The following RRBP1 variants were observed in gnomAD, a reference collection of about 807,000 sequenced individuals.
The protein encoded by RRBP1 is ribosome-binding protein 1.
Under a neutral mutation model 165.2 loss-of-function variants are expected in RRBP1, and 94 were observed. That is an observed-to-expected ratio of 0.57 (90% CI 0.48 to 0.68). The LOEUF is 0.68. RRBP1 is among the 30% of genes least tolerant of loss of function. RRBP1 has a pLI of 0.00. For synonymous variants in RRBP1, 680 were observed against 714.5 expected (o/e 0.95, Z 0.77); for missense variants, 1,676 against 1,763.0 (o/e 0.95, Z 0.88).
intron 11 of RRBP1, among the ~76,000 whole-genome samples, chr20:17,626,964 G>A (rs1415454112): frequency 6.6e-6 from 1 of 152,164 alleles, no homozygotes; most frequent in Non-Finnish European, 1.5e-5. Context: ...TCTGGGTTGT[G>A]CAACCATTTT....
chr20:17,628,791 C>T lies in RRBP1; in HGVS notation c.2749+1032G>A, dbSNP rs375729946. Among the ~76,000 whole-genome samples, 107 of 152,380 alleles carry T rather than the reference C, an allele frequency of 7.0e-4. 3 individuals carry two copies. The South Asian group carries it at 0.021, about 30-fold the overall frequency. ...ACGCAATCTAAAGCCATGCCCAGCC[C>T]TCTGGAGCAGGGGCCGGGAAGCTGG... On this transcript the variant is annotated intron_variant, in intron 9 of 24. Coordinates refer to ENST00000377813, the MANE Select transcript of RRBP1 (RefSeq NM_001365613.2).
At chr20:17,663,019 A>G (rs189089565) in intron 2 of RRBP1, among the ~76,000 whole-genome samples, 156 of 152,296 alleles carry the variant, frequency 1.0e-3, no homozygotes, top group African/African-American at 3.6e-3. Context: ...CTATTTAAAA[A>G]AAAATAAAAA....
intron 7 of RRBP1, among the ~76,000 whole-genome samples, chr20:17,633,839 C>G (rs1012461820): frequency 2.6e-5 from 4 of 152,226 alleles, no homozygotes; most frequent in African/African-American, 9.6e-5. Flanking sequence ...CAGCATAGAG[C>G]AAATGTGCAC....
In RRBP1 at chr20:17,618,661, C is replaced by G; in HGVS notation, c.3694G>C (p.Glu1232Gln). The change falls in exon 20 of 25, where the codon GAA becomes CAA. Residue 1232 changes from glutamate (E) to glutamine (Q), a missense_variant. Glu to Gln is a conservative substitution (Grantham distance 29). This residue lies in a region of RRBP1 where 1,184 missense variants were observed against 1,167.1 expected (regional missense o/e 1.01). Coordinates refer to ENST00000377813, the MANE Select transcript of RRBP1 (RefSeq NM_001365613.2). ...GCGGCATCGAGCTGAGATTGAGATTCTAGGAGAAGTTGCCTCAGCTTGGGG... is the reference window on the plus strand; with the variant it reads ...GCGGCATCGAGCTGAGATTGAGATTGTAGGAGAAGTTGCCTCAGCTTGGGG... ...EVAGLRQLLL[E>Q]SQSQLDAAKS... 6.2e-7 allele frequency: 1 copy of G among 1,613,928 alleles called. No individual in the cohort carries two copies. The highest frequency in any genetic ancestry group is 1.1e-5 in the South Asian group (1 of 91,084).
chr20:17,647,837 C>T lies in RRBP1; in HGVS notation c.1913-4710G>A, dbSNP rs112620738. Among the ~76,000 whole-genome samples, 608 of 152,306 alleles carry T rather than the reference C, an allele frequency of 4.0e-3. 9 individuals are homozygous for T. The highest frequency in any genetic ancestry group is 0.014 in the African/African-American group (566 of 41,558). On this transcript the variant is annotated intron_variant, in intron 3 of 24. Coordinates refer to ENST00000377813, the MANE Select transcript of RRBP1 (RefSeq NM_001365613.2). ...AATAGCTGCTGCCTCCGGGCCTGCACGGGGTGACTCCAGACAGTGCAGACC... is the reference window on the plus strand; with the variant it reads ...AATAGCTGCTGCCTCCGGGCCTGCATGGGGTGACTCCAGACAGTGCAGACC...
chr20:17,652,044 C>G (rs939346278), intron 3 of RRBP1, among the ~76,000 whole-genome samples: 1 of 152,232 alleles, frequency 6.6e-6, no homozygotes, highest in East Asian at 1.9e-4. Context: ...CTTCAAGTCT[C>G]TGGTGGAGCC....
rs2035792194 is a variant in RRBP1, at chr20:17,615,965, C to T, written c.3912G>A (p.Glu1304=). The T allele has an allele frequency of 1.9e-6, 3 of 1,609,750 alleles. No homozygotes were observed. Among genetic ancestry groups the T allele is most frequent in the Non-Finnish European group, 2.5e-6 (3 of 1,179,946 alleles). ...LEWTEAILED[E]QTQRQKLTAE... ...CCGTGAGCTTCTGCCGCTGTGTCTG[C>T]TCATCCTCCAGGATGGCTTCTGTCC... The change falls in exon 22 of 25, where the codon GAG becomes GAA. Residue 1304 remains glutamate, a synonymous_variant. Transcript: ENST00000377813.
rs990832680 is a variant in RRBP1, at chr20:17,636,699, C to T, written c.2215G>A (p.Ala739Thr). The change falls in exon 6 of 25, where the codon GCC (alanine) becomes ACC (threonine). Residue 739 changes from alanine to threonine, a missense_variant. Physicochemically the swap from Ala to Thr is moderately conservative, Grantham distance 58. Transcript: ENST00000377813. ...EMAAEKAKAA[A>T]GEAKVKKQLV... ...TGCTTTTTCACTTTGGCCTCCCCGG[C>T]TGCTGCTTTGGCCTTTTCTGCTGCC... The T allele has an allele frequency of 1.9e-6, 3 of 1,613,258 alleles. No individual in the cohort carries two copies. Among genetic ancestry groups the T allele is most frequent in the Middle Eastern group, 1.7e-4 (1 of 6,060 alleles).
chr20:17,627,475 C>G, intron 10 of RRBP1, 29 bp downstream of exon 10: 2 of 1,605,594 alleles, frequency 1.2e-6, no homozygotes, highest in Middle Eastern at 3.3e-4. Flanking sequence ...GTTCCCTTTC[C>G]TCCCCGTGGC....
chr20:17,634,098 A>G (rs1434194403), intron 7 of RRBP1, among the ~76,000 whole-genome samples: 1 of 152,216 alleles, frequency 6.6e-6, no homozygotes, highest in Non-Finnish European at 1.5e-5. Flanking sequence ...ACTGCACTTC[A>G]AAAGCTGGGT....
At chr20:17,681,216 C>T (rs2037177050) in intron 1 of RRBP1, among the ~76,000 whole-genome samples, 1 of 148,382 alleles carries the variant, frequency 6.7e-6, no homozygotes, top group Non-Finnish European at 1.5e-5. Context: ...GCGGGCCGGG[C>T]CCCGGGCGCC....
chr20:17,617,220 G>C (rs2035818689), intron 20 of RRBP1, among the ~76,000 whole-genome samples: 1 of 152,360 alleles, frequency 6.6e-6, no homozygotes, highest in African/African-American at 2.4e-5. Flanking sequence ...ACTGCTCAGA[G>C]CCCTTTCCGG....
rs536587144 is a variant in RRBP1 at position 17,671,934 on chromosome 20, G to A, written c.-22+8065C>T. 2.8e-4 allele frequency among the ~76,000 whole-genome samples: 42 copies of A among 152,280 alleles called. 1 individual carries two copies. In the South Asian group the frequency reaches 8.7e-3, roughly 32 times the overall value. ...CTATCACCAGAAACCCAGTGTTGTC[G>A]CCCCCAACAGCCAAACCAAATTCCA... On this transcript the variant is annotated intron_variant, in intron 2 of 24. Coordinates refer to ENST00000377813, the MANE Select transcript of RRBP1 (RefSeq NM_001365613.2).
chr20:17,656,058 A>G (rs939064820), intron 3 of RRBP1, among the ~76,000 whole-genome samples: 1 of 152,328 alleles, frequency 6.6e-6, no homozygotes, highest in Admixed American at 6.5e-5. Context: ...CAGGATCCTC[A>G]CGGTGTCTGG....
intron 13 of RRBP1, 65 bp downstream of exon 13, chr20:17,624,511 T>A: frequency 9.4e-7 from 1 of 1,060,024 alleles, no homozygotes; most frequent in Non-Finnish European, 1.4e-6. Context: ...TCTGTACGTC[T>A]TAGTGCATTT....
At chr20:17,674,501 A>G (rs1447352186) in intron 2 of RRBP1, among the ~76,000 whole-genome samples, 1 of 152,046 alleles carries the variant, frequency 6.6e-6, no homozygotes, top group Non-Finnish European at 1.5e-5. Context: ...CGGTGGCTCA[A>G]GCCTGTAATC....
chr20:17,634,281 C>A (rs1325329021), intron 7 of RRBP1, among the ~76,000 whole-genome samples: 1 of 152,230 alleles, frequency 6.6e-6, no homozygotes, highest in Non-Finnish European at 1.5e-5. Context: ...CACCACCAGA[C>A]GAGACTGTCC....
chr20:17,648,133 A>C (rs2036497157), intron 3 of RRBP1, among the ~76,000 whole-genome samples: 1 of 152,160 alleles, frequency 6.6e-6, no homozygotes, highest in Non-Finnish European at 1.5e-5. Context: ...CAACCTGAGG[A>C]GCCGGCTCCC....
intron 22 of RRBP1, 99 bp from the exon 23 acceptor site, chr20:17,615,628 A>G (rs2035785354): frequency 3.3e-5 from 28 of 841,164 alleles, no homozygotes; most frequent in South Asian, 1.7e-4. Flanking sequence ...GGGCCCCCCC[A>G]GCCTGATGGA....
Sources: allele counts gnomAD v4.1 joint callset (sites outside exome capture counted in the v4.1 genomes callset), GRCh38; gene constraint gnomAD v4.1.1; regional missense constraint gnomAD v4.1.1; transcripts MANE v1.5; gene names NCBI Gene and HGNC (gene_info 2026-07-23, HGNC 2026-07-21).